The following CNBD1 variants were observed in gnomAD, a reference collection of about 807,000 sequenced individuals.
CNBD1 encodes the protein cyclic nucleotide binding domain containing 1.
A neutral mutation model predicts 54.4 loss-of-function variants in CNBD1; 71 were observed. That is an observed-to-expected ratio of 1.30 (90% CI 1.08 to 1.59). CNBD1 has a LOEUF of 1.59. Among genes scored for constraint, CNBD1 ranks in the 40% most tolerant of loss-of-function variants. The probability of loss-of-function intolerance (pLI) is 0.00; values close to 1 mark genes in which losing one functional copy is unlikely to be tolerated. For missense variants in CNBD1, 659 were observed against 518.0 expected (o/e 1.27, Z -2.64); for synonymous variants, 182 against 170.7 (o/e 1.07, Z -0.51).
In CNBD1 at chr8:87,234,882, C is replaced by T. The variant is rs560859010; in HGVS notation, c.578-2037C>T. On this transcript the variant is annotated intron_variant, in intron 5 of 10. Coordinates refer to ENST00000518476, the MANE Select transcript of CNBD1 (RefSeq NM_173538.3). ...CTATAAAAGTACTAGATGGCATCTT[C>T]TTACAATAGAATGCTGTTTCATCTA... 2.4e-4 allele frequency among the ~76,000 whole-genome samples: 37 copies of T among 152,324 alleles called. 1 individual carries two copies. The highest frequency in any genetic ancestry group is 8.7e-4 in the African/African-American group (36 of 41,584).
intron 1 of CNBD1, among the ~76,000 whole-genome samples, chr8:86,870,851 A>G (rs957134007): frequency 1.3e-5 from 2 of 152,136 alleles, no homozygotes; most frequent in African/African-American, 4.8e-5. Flanking sequence ...AAATTCCAAG[A>G]AGGAGTAAAA....
intron 6 of CNBD1, among the ~76,000 whole-genome samples, chr8:87,280,228 T>C (rs966367386): frequency 6.6e-6 from 1 of 151,620 alleles, no homozygotes; most frequent in Non-Finnish European, 1.5e-5. Flanking sequence ...TTATCATGGT[T>C]TGGTTTTGAG....
intron 3 of CNBD1, among the ~76,000 whole-genome samples, chr8:86,921,517 T>C (rs1235123759): frequency 6.6e-6 from 1 of 152,200 alleles, no homozygotes; most frequent in African/African-American, 2.4e-5. Context: ...AGAGTTTTCA[T>C]TGACTCACAG....
chr8:86,867,643 A>G (rs1375754088), intron 1 of CNBD1, among the ~76,000 whole-genome samples: 2 of 152,122 alleles, frequency 1.3e-5, no homozygotes, highest in African/African-American at 4.8e-5. Flanking sequence ...TTCTATTTCT[A>G]CTTGAGTGGA....
At chr8:87,237,225 G>A (rs1040419725) in intron 6 of CNBD1, 113 bp downstream of exon 6, 16 of 529,566 alleles carry the variant, frequency 3.0e-5, no homozygotes, top group Non-Finnish European at 3.9e-5. Flanking sequence ...AAATATTTAC[G>A]ATAATATAGC....
chr8:87,282,253 G>C (rs2130867900), intron 6 of CNBD1, among the ~76,000 whole-genome samples: 1 of 151,616 alleles, frequency 6.6e-6, no homozygotes, highest in South Asian at 2.1e-4. Flanking sequence ...TCTGTTCTGA[G>C]TGTTTGAAAG....
intron 4 of CNBD1, among the ~76,000 whole-genome samples, chr8:87,164,510 AATCAGTTCT>A (rs1812921267): frequency 1.3e-5 from 2 of 151,828 alleles, no homozygotes; most frequent in Non-Finnish European, 2.9e-5. Context: ...TTTCTCCATG[AATCAGTTCT>A]GGTAGGTTCT....
At chr8:87,154,223 A>C (rs1812667648) in intron 4 of CNBD1, among the ~76,000 whole-genome samples, 1 of 152,210 alleles carries the variant, frequency 6.6e-6, no homozygotes, top group African/African-American at 2.4e-5. Context: ...AAGTGAAATA[A>C]AAGGATGACA....
chr8:87,425,745 G>C (rs1015369078), intron 2 of CNBD1, among the ~76,000 whole-genome samples: 1 of 152,046 alleles, frequency 6.6e-6, no homozygotes, highest in African/African-American at 2.4e-5. Context: ...GGACATTTAA[G>C]TCTGCAGAGG....
At chr8:87,047,761 G>C (rs1481902318) in intron 4 of CNBD1, among the ~76,000 whole-genome samples, 1 of 152,052 alleles carries the variant, frequency 6.6e-6, no homozygotes. Context: ...CCTCTGGGGG[G>C]GTCTATGGAG....
At chr8:87,277,405 A>G (rs1268758677) in intron 6 of CNBD1, among the ~76,000 whole-genome samples, 1 of 151,832 alleles carries the variant, frequency 6.6e-6, no homozygotes, top group Non-Finnish European at 1.5e-5. Context: ...AATTTAAATC[A>G]GAACTCATCC....
chr8:87,289,524 T>C (rs1808750621), intron 8 of CNBD1, among the ~76,000 whole-genome samples: 1 of 152,250 alleles, frequency 6.6e-6, no homozygotes. Flanking sequence ...TAAACTGACT[T>C]GGCAAACATT....
chr8:87,395,895 C>T (rs1479705096), intron 2 of CNBD1, among the ~76,000 whole-genome samples: 1 of 151,838 alleles, frequency 6.6e-6, no homozygotes, highest in African/African-American at 2.4e-5. Flanking sequence ...TTATAAGGGG[C>T]TTTTCTCCTC....
intron 4 of CNBD1, among the ~76,000 whole-genome samples, chr8:87,033,582 T>C (rs956288927): frequency 2.6e-5 from 4 of 152,178 alleles, no homozygotes; most frequent in African/African-American, 9.7e-5. Context: ...TAAACCCAAA[T>C]GAATTGCACA....
intron 10 of CNBD1, among the ~76,000 whole-genome samples, chr8:87,370,147 T>C (rs2130946778): frequency 6.6e-6 from 1 of 151,984 alleles, no homozygotes; most frequent in East Asian, 1.9e-4. Context: ...TTTGGGTTGG[T>C]TCCAAGTCTT....
chr8:87,386,777 A>G (rs535730232), downstream of CNBD1, among the ~76,000 whole-genome samples: 48 of 152,316 alleles, frequency 3.2e-4, no homozygotes, highest in East Asian at 3.3e-3. Context: ...ATACTCCTCA[A>G]GAAGAGCAAC....
At chr8:87,388,542 C>T (rs1811239231) in intron 2 of CNBD1, among the ~76,000 whole-genome samples, 1 of 152,172 alleles carries the variant, frequency 6.6e-6, no homozygotes. Flanking sequence ...ACTCCCAAGA[C>T]TAAACCAGGA....
chr8:87,409,208 G>A (rs187243375), intron 2 of CNBD1, among the ~76,000 whole-genome samples: 41 of 152,250 alleles, frequency 2.7e-4, no homozygotes, highest in Middle Eastern at 3.4e-3. Flanking sequence ...CGGTAAACAT[G>A]CAAATAATAA....
chr8:87,231,018 G>A lies in CNBD1; in HGVS notation c.578-5901G>A, dbSNP rs146279181. ...CAGGAAACTTACATTCATGGCAGACGGCGAAATGGGAGCCAGCATTTCATA... is the reference window on the plus strand; with the variant it reads ...CAGGAAACTTACATTCATGGCAGACAGCGAAATGGGAGCCAGCATTTCATA... On this transcript the variant is annotated intron_variant, in intron 5 of 10. Transcript: ENST00000518476. Among the ~76,000 whole-genome samples the A allele has an allele frequency of 4.0e-3, 610 of 152,126 alleles. 4 individuals are homozygous for A. The highest frequency in any genetic ancestry group is 4.9e-3 in the Non-Finnish European group (336 of 67,984).
Sources: gnomAD v4.1 joint callset for allele counts (sites outside exome capture counted in the v4.1 genomes callset) on GRCh38, gnomAD v4.1.1 for gene constraint, MANE v1.5 for transcripts, NCBI Gene and HGNC (gene_info 2026-07-23, HGNC 2026-07-21) for gene names.